WIPF3: variants seen among roughly 807,000 people sequenced by gnomAD.
WIPF3 encodes the protein WAS/WASL interacting protein family member 3.
In WIPF3, 33 loss-of-function variants were observed where a neutral mutation model predicts 38.9. That is an observed-to-expected ratio of 0.85 (90% CI 0.64 to 1.14). The LOEUF (loss-of-function observed/expected upper bound fraction) is 1.14, where lower values mean the gene tolerates loss of function less well. WIPF3 is among the 50% of genes most tolerant of loss of function. WIPF3 has a pLI of 0.00. For missense variants in WIPF3, 711 were observed against 652.5 expected, an observed-to-expected ratio of 1.09 and a Z score of -0.98; for synonymous variants, 324 against 269.3, an observed-to-expected ratio of 1.20 and a Z score of -1.99.
chr7:29,886,804 T>G (rs573990369), intron 5 of WIPF3, among the ~76,000 whole-genome samples: 13 of 152,310 alleles, frequency 8.5e-5, no homozygotes, highest in African/African-American at 3.1e-4. Flanking sequence ...AATAACACCT[T>G]TCACATAGGA....
At chr7:29,897,911 G>A (rs12700997) in intron 7 of WIPF3, among the ~76,000 whole-genome samples, 104,070 of 152,054 alleles carry the variant, frequency 0.68, 36,739 homozygotes, top group South Asian at 0.89. Flanking sequence ...ACAATCCTTT[G>A]TTTCTTTGAA....
chr7:29,848,426 A>G (rs1444908886), intron 2 of WIPF3, among the ~76,000 whole-genome samples: 3 of 152,180 alleles, frequency 2.0e-5, no homozygotes, highest in South Asian at 2.1e-4. Context: ...TGGAAGGTTT[A>G]ATCGTGATAC....
At chr7:29,873,604 G>T (rs1275028405) in intron 2 of WIPF3, among the ~76,000 whole-genome samples, 6 of 152,154 alleles carry the variant, frequency 3.9e-5, no homozygotes, top group African/African-American at 1.4e-4. Context: ...AAAGCATATT[G>T]TATGGGAAAT....
At chr7:29,860,443 C>T (rs911686898) in intron 2 of WIPF3, among the ~76,000 whole-genome samples, 1 of 152,156 alleles carries the variant, frequency 6.6e-6, no homozygotes, top group Non-Finnish European at 1.5e-5. Context: ...CTTCCTTCCT[C>T]TCTTACCATG....
At chr7:29,870,818 G>T (rs1221887159) in intron 2 of WIPF3, among the ~76,000 whole-genome samples, 1 of 152,118 alleles carries the variant, frequency 6.6e-6, no homozygotes, top group Non-Finnish European at 1.5e-5. Context: ...TTAGCTGGGC[G>T]TGGTGGTGTG....
intron 2 of WIPF3, among the ~76,000 whole-genome samples, chr7:29,849,514 T>C (rs1444283382): frequency 3.3e-5 from 5 of 152,222 alleles, no homozygotes; most frequent in African/African-American, 1.2e-4. Flanking sequence ...TTGGCAACTC[T>C]TCTTGATGCC....
chr7:29,882,220 T>A (rs1248617760), intron 4 of WIPF3, among the ~76,000 whole-genome samples: 2 of 152,250 alleles, frequency 1.3e-5, no homozygotes, highest in Non-Finnish European at 2.9e-5. Flanking sequence ...ACTTAAAAGG[T>A]TTGGATAGGC....
Position 29,837,295 on chromosome 7 carries a change from G to A in WIPF3, c.90+2481G>A, listed in dbSNP as rs187126926. The stretch of plus-strand genomic sequence containing the variant: ...GGTGTGAACCCAGGAGGCGGAGCTT[G>A]CGGTGAGCCGAGACCACGCCACTGC... On this transcript the variant is annotated intron_variant, in intron 2 of 8. Transcript: ENST00000242140. Among the ~76,000 whole-genome samples the A allele has an allele frequency of 3.9e-4, 60 of 152,278 alleles. 1 individual carries two copies. In the East Asian group the frequency reaches 9.9e-3, roughly 25 times the overall value.
At chr7:29,889,995 C>A (rs770964459) in intron 7 of WIPF3, among the ~76,000 whole-genome samples, 2 of 152,224 alleles carry the variant, frequency 1.3e-5, no homozygotes, top group Non-Finnish European at 2.9e-5. Flanking sequence ...AAGGGCCCTC[C>A]TCCTCCTGAT....
intron 1 of WIPF3, among the ~76,000 whole-genome samples, chr7:29,826,790 G>A (rs1456038190): frequency 3.3e-5 from 5 of 152,104 alleles, no homozygotes; most frequent in African/African-American, 9.7e-5. Flanking sequence ...GGAGGTATGC[G>A]GCTGTCACAA....
chr7:29,874,288 T>C (rs947568748), intron 2 of WIPF3, among the ~76,000 whole-genome samples: 1 of 152,184 alleles, frequency 6.6e-6, no homozygotes, highest in Non-Finnish European at 1.5e-5. Flanking sequence ...GATCCAATTC[T>C]ACTCTTCGGG....
chr7:29,831,170 A>G (rs1053313207), intron 1 of WIPF3, among the ~76,000 whole-genome samples: 2 of 152,242 alleles, frequency 1.3e-5, no homozygotes, highest in Non-Finnish European at 2.9e-5. Context: ...GCAGTTTAAA[A>G]TGGCCCCAAG....
At chr7:29,888,377 G>C (rs567669030) in intron 6 of WIPF3, among the ~76,000 whole-genome samples, 160 bp downstream of exon 6, 1 of 152,300 alleles carries the variant, frequency 6.6e-6, no homozygotes, top group African/African-American at 2.4e-5. Context: ...CATAGGTTCT[G>C]TTAAATAGGG....
intron 8 of WIPF3, chr7:29,905,752 T>A (rs1475931445): frequency 9.9e-5 from 15 of 152,234 alleles, no homozygotes; most frequent in Admixed American, 8.5e-4. Context: ...CTTATTGTTG[T>A]AAATCCCTTT....
chr7:29,856,011 A>G (rs1043853480), intron 2 of WIPF3, among the ~76,000 whole-genome samples: 1 of 152,198 alleles, frequency 6.6e-6, no homozygotes, highest in Non-Finnish European at 1.5e-5. Flanking sequence ...GTCTCTCAAC[A>G]TGACTTTTGT....
chr7:29,813,224 A>G (rs1196687189), intron 1 of WIPF3, among the ~76,000 whole-genome samples: 1 of 152,146 alleles, frequency 6.6e-6, no homozygotes, highest in Non-Finnish European at 1.5e-5. Flanking sequence ...ATCCTTACTC[A>G]TGTGGGTCCC....
chr7:29,811,254 T>TG (rs1784370495), intron 1 of WIPF3, among the ~76,000 whole-genome samples: 7 of 149,088 alleles, frequency 4.7e-5, no homozygotes, highest in Non-Finnish European at 7.4e-5. Flanking sequence ...AATTAGCCAT[T>TG]ATGATGATGA....
In WIPF3 at chr7:29,879,134, G is replaced by A. The variant is rs377091221; in HGVS notation, c.349G>A (p.Val117Ile). ...PVLRPAGQRD[V>I]AGGKTGQGPG... ...ATTGCGACCAGCAGGCCAGCGGGAT[G>A]TAGCAGGTAAGGAAGAATTCATTCT... The change falls in exon 4 of 9, where the codon GTA becomes ATA. Residue 117 changes from valine (V) to isoleucine (I), a missense_variant. By Grantham distance (29) the Val-to-Ile change is conservative. Coordinates refer to ENST00000242140, the MANE Select transcript of WIPF3 (RefSeq NM_001080529.3). The A allele has an allele frequency of 1.9e-6, 3 of 1,610,926 alleles. No homozygotes were observed. Among genetic ancestry groups the A allele is most frequent in the African/African-American group, 2.7e-5 (2 of 74,920 alleles).
rs1206878236 is a variant in WIPF3 at position 29,854,136 on chromosome 7, C to T, written c.90+19322C>T. Among the ~76,000 whole-genome samples the T allele has an allele frequency of 5.9e-5, 9 of 152,312 alleles. No individual in the cohort carries two copies. The East Asian group carries it at 1.2e-3, about 20-fold the overall frequency. On this transcript the variant is annotated intron_variant, in intron 2 of 8. Transcript: ENST00000242140. ...GGCCTTTGGAGCTGCTCAGGAAATA[C>T]GCACTCAGTGAGGAGAGCACATCCT...
Sources: gnomAD v4.1 joint callset for allele counts (sites outside exome capture counted in the v4.1 genomes callset) on GRCh38, gnomAD v4.1.1 for gene constraint, MANE v1.5 for transcripts, NCBI Gene and HGNC (gene_info 2026-07-23, HGNC 2026-07-21) for gene names.